SOX30: variants seen among roughly 807,000 people sequenced by gnomAD.
SOX30 encodes transcription factor SOX-30.
SOX30 carries 17 observed loss-of-function variants against 58.6 expected under a neutral mutation model. The ratio of observed to expected loss-of-function variants is 0.29; its 90% CI spans 0.20 to 0.44. The LOEUF (loss-of-function observed/expected upper bound fraction) is 0.44, where lower values mean the gene tolerates loss of function less well. SOX30 is among the 20% of genes least tolerant of loss of function. The pLI is 1.00. For synonymous variants in SOX30, 421 were observed against 400.2 expected (o/e 1.05, Z -0.62); for missense variants, 951 against 965.8 (o/e 0.98, Z 0.20).
chr5:157,667,538 A>G lies in SOX30; in HGVS notation c.52+260T>C, dbSNP rs537173099. On this transcript the variant is annotated intron_variant, in intron 2 of 5. Coordinates refer to the SOX30 transcript ENST00000519442. ...CACCTGCGGTCAGGAATTTGAGAAC[A>G]GCCTGGCCAACATGGTGAAACCCTG... Among the ~76,000 whole-genome samples the G allele has an allele frequency of 1.6e-3, 237 of 152,298 alleles. 2 individuals carry two copies. The highest frequency in any genetic ancestry group is 5.5e-3 in the African/African-American group (228 of 41,574).
rs1241304730 is a variant in SOX30 at position 157,649,027 on chromosome 5, C to CA, written c.968-132dup. The CA allele has an allele frequency of 3.7e-5, 44 of 1,197,226 alleles. No homozygotes were observed. The East Asian group carries it at 8.7e-4, about 24-fold the overall frequency. 74.2% of individuals were successfully genotyped at this position (1,197,226 alleles called of 1,614,324 possible). On this transcript the variant is annotated intron_variant, in intron 1 of 4. Coordinates refer to ENST00000265007, the MANE Select transcript of SOX30 (RefSeq NM_178424.2). ...GAGGAAATATACACTTCAATATAAC[C>CA]AAAAAAACCTGCCAGTATTCCACAA...
At chr5:157,663,567 A>G (rs553375146) in intron 2 of SOX30, among the ~76,000 whole-genome samples, 1 of 152,084 alleles carries the variant, frequency 6.6e-6, no homozygotes, top group South Asian at 2.1e-4. Flanking sequence ...CTCTCTCACC[A>G]CTCCTATTCA....
chr5:157,646,681 G>C lies in SOX30; in HGVS notation c.1343C>G (p.Ser448Cys). Reference protein sequence around the residue: ...TVYPYRSPTYSVVIPSLQNPI... With the variant: ...TVYPYRSPTYCVVIPSLQNPI... ...ATTCTGTAGGCTGGGAATTACCACA[G>C]AGTACGTAGGTGAGCGGTAAGGATA... Residue 448 changes from serine (S) to cysteine (C), a missense_variant, in exon 3 of 5, where the codon TCT becomes TGT. Transcript: ENST00000265007. 1 of 1,613,222 alleles carries C rather than the reference G, an allele frequency of 6.2e-7. No homozygotes were observed. The highest frequency in any genetic ancestry group is 8.5e-7 in the Non-Finnish European group (1 of 1,179,522).
intron 1 of SOX30, among the ~76,000 whole-genome samples, chr5:157,669,902 T>C (rs926514164): frequency 6.6e-6 from 1 of 152,044 alleles, no homozygotes; most frequent in African/African-American, 2.4e-5. Context: ...GAGCCAAAGA[T>C]TGTATAGGTA....
In SOX30 at chr5:157,631,811, A is replaced by T. The variant is rs115014574; in HGVS notation, c.1881-5090T>A. 8.6e-3 allele frequency among the ~76,000 whole-genome samples: 1,289 copies of T among 150,308 alleles called. 26 individuals are homozygous for T. Among genetic ancestry groups the T allele is most frequent in the African/African-American group, 0.029 (1,164 of 40,614 alleles). ...AGAGCACAATGGCTCATGCCTGTTA[A>T]TTCCAGCACTTTGGGAGGCCAGGAG... is the stretch of plus-strand genomic sequence containing the variant. On this transcript the variant is annotated intron_variant, in intron 4 of 4. Transcript: ENST00000265007.
intron 4 of SOX30, among the ~76,000 whole-genome samples, chr5:157,632,445 T>A (rs1287727149): frequency 6.6e-6 from 1 of 152,138 alleles, no homozygotes; most frequent in East Asian, 1.9e-4. Context: ...TGAAACCCCA[T>A]CTGTACTAAA....
intron 4 of SOX30, among the ~76,000 whole-genome samples, chr5:157,634,066 G>A (rs1471105520): frequency 6.6e-6 from 1 of 152,184 alleles, no homozygotes; most frequent in African/African-American, 2.4e-5. Flanking sequence ...AAGATCTGAA[G>A]GCAGGAATAA....
chr5:157,652,007 G>A lies in SOX30; in HGVS notation c.72C>T (p.Val24=). ...CTGCTGCCCAAAAGGAGGTGCCCTCGACCGGCAGCGGGGGCGGAGCGGGAC... is the reference window on the plus strand; with the variant it reads ...CTGCTGCCCAAAAGGAGGTGCCCTCAACCGGCAGCGGGGGCGGAGCGGGAC... ...PLRPAPPPLP[V]EGTSFWAAAM... Residue 24 remains valine, a synonymous_variant, in exon 1 of 5, where the codon GTC becomes GTT. Transcript: ENST00000265007. 7.0e-7 allele frequency: 1 copy of A among 1,429,892 alleles called. No homozygotes were observed. The highest frequency in any genetic ancestry group is 1.5e-5 in the African/African-American group (1 of 67,142). The allele number at this position is 1,429,892 out of a possible 1,614,324, so 88.6% of individuals were successfully genotyped here.
At chr5:157,668,199 C>G (rs550627281) in intron 1 of SOX30, among the ~76,000 whole-genome samples, 3 of 152,306 alleles carry the variant, frequency 2.0e-5, no homozygotes, top group Non-Finnish European at 1.5e-5. Flanking sequence ...TGACTCTTCT[C>G]CTACGGCTGT....
chr5:157,659,880 C>T (rs72813211), intron 2 of SOX30, among the ~76,000 whole-genome samples: 4,734 of 152,280 alleles, frequency 0.031, 149 homozygotes, highest in East Asian at 0.099. Context: ...CTAGAATCAA[C>T]AGAAGGGAGT....
chr5:157,664,895 G>A (rs1317532090), intron 2 of SOX30, among the ~76,000 whole-genome samples: 2 of 152,220 alleles, frequency 1.3e-5, no homozygotes, highest in African/African-American at 2.4e-5. Context: ...AAACTGCAAT[G>A]AGATACCGTC....
Position 157,652,320 on chromosome 5 carries a change from A to C in SOX30, c.-242T>G. On this transcript the variant is annotated 5_prime_UTR_variant, in exon 1 of 5. Coordinates refer to ENST00000265007, the MANE Select transcript of SOX30 (RefSeq NM_178424.2). ...CTCTCGCCTCGTGCTGAGTCCTCGA[A>C]TCACCTGCCATGGTAGGAGCCGCCG... The C allele has an allele frequency of 2.5e-6, 3 of 1,211,698 alleles. No individual in the cohort carries two copies. Among genetic ancestry groups the C allele is most frequent in the East Asian group, 6.8e-5 (2 of 29,438 alleles). 75.1% of individuals were successfully genotyped at this position (1,211,698 alleles called of 1,614,324 possible). A position where few individuals can be genotyped will look rare whatever the true frequency, so the allele number is the denominator to read the frequency against.
chr5:157,671,247 G>C (rs566767521), intron 1 of SOX30: 47 of 249,458 alleles, frequency 1.9e-4, no homozygotes, highest in Non-Finnish European at 3.2e-4. Context: ...GCCCCACCCT[G>C]GCTCAACCCG....
At chr5:157,650,213 AG>A (rs1337522640) in intron 1 of SOX30, among the ~76,000 whole-genome samples, 5 of 152,124 alleles carry the variant, frequency 3.3e-5, no homozygotes, top group Admixed American at 6.5e-5. Flanking sequence ...TGAAATAAGT[AG>A]TATAAAGAAA....
At position 157,658,485 on chromosome 5, in the gene SOX30, C is replaced by A. The variant is rs374909022; in HGVS notation, c.52+9313G>T. Among the ~76,000 whole-genome samples, 437 of 152,336 alleles carry A rather than the reference C, an allele frequency of 2.9e-3. 1 individual carries two copies. Among genetic ancestry groups the A allele is most frequent in the South Asian group, 0.027 (130 of 4,830 alleles). On this transcript the variant is annotated intron_variant, in intron 2 of 5. Transcript: ENST00000519442. Reference sequence around the variant, plus strand: ...CAAGAGGGATGGGTAATGTAAAAATCTAAATCAGTATTCTAATTCTGAGCA... The same window carrying A: ...CAAGAGGGATGGGTAATGTAAAAATATAAATCAGTATTCTAATTCTGAGCA...
Position 157,626,290 on chromosome 5 carries a change from C to T in SOX30, c.*50G>A. 1 of 1,459,638 alleles carries T rather than the reference C, an allele frequency of 6.9e-7. No individual in the cohort carries two copies. The highest frequency in any genetic ancestry group is 9.2e-7 in the Non-Finnish European group (1 of 1,087,362). The allele number at this position is 1,459,638 out of a possible 1,614,324, so 90.4% of individuals were successfully genotyped here. On this transcript the variant is annotated 3_prime_UTR_variant, in exon 5 of 5. Transcript: ENST00000265007. ...TTTTTTTTTCTCATACCAACTGACC[C>T]AGAATATATTTTAAGAAATGTTTAT... is the stretch of plus-strand genomic sequence containing the variant.
intron 1 of SOX30, among the ~76,000 whole-genome samples, chr5:157,670,564 G>A (rs1441399120): frequency 6.6e-6 from 1 of 152,184 alleles, no homozygotes; most frequent in Non-Finnish European, 1.5e-5. Context: ...TCTATTCCAG[G>A]TCGGAGGCTA....
upstream of SOX30, among the ~76,000 whole-genome samples, chr5:157,655,794 T>C (rs913610598): frequency 5.2e-4 from 79 of 152,220 alleles, no homozygotes; most frequent in African/African-American, 1.8e-3. Flanking sequence ...TCACTATTTC[T>C]TACAAAGTTT....
At chr5:157,661,372 G>C (rs1439857555) in intron 2 of SOX30, among the ~76,000 whole-genome samples, 4 of 152,188 alleles carry the variant, frequency 2.6e-5, no homozygotes, top group Admixed American at 6.5e-5. Flanking sequence ...TGCTTTGTCT[G>C]TGTCTATTGA....
Sources: allele counts gnomAD v4.1 joint callset (sites outside exome capture counted in the v4.1 genomes callset), GRCh38; gene constraint gnomAD v4.1.1; transcripts MANE v1.5; gene names NCBI Gene and HGNC (gene_info 2026-07-23, HGNC 2026-07-21).